The following OR6C3 variants were observed in gnomAD, a reference collection of about 807,000 sequenced individuals.
OR6C3 encodes olfactory receptor family 6 subfamily C member 3.
For synonymous variants in OR6C3, 177 were observed against 137.4 expected (o/e 1.29, Z -2.02); for missense variants, 487 against 364.6 (o/e 1.34, Z -2.73).
chr12:55,330,233 T>A (rs1424221958), upstream of OR6C3: 1 of 152,210 alleles, frequency 6.6e-6, no homozygotes, highest in African/African-American at 2.4e-5. Context: ...TTTACCTATT[T>A]TCTCTTTAAA....
chr12:55,331,857 C>T lies in OR6C3; in HGVS notation c.157C>T (p.Gln53Ter). The change falls in exon 2 of 2, where the codon CAG becomes TAG. Residue 53 changes from glutamine to a stop codon, truncating the protein, a stop_gained. Coordinates refer to ENST00000641740, the MANE Select transcript of OR6C3 (RefSeq NM_001388498.1). LOFTEE classifies it low-confidence loss of function (END_TRUNC). ...ITLTFVDSHL[Q>*]TPMYFFLRNF... The stretch of plus-strand genomic sequence containing the variant: ...CCTAACCTTTGTGGACTCCCATCTG[C>T]AGACACCTATGTATTTCTTCCTCCG... 1 of 1,614,096 alleles carries T rather than the reference C, an allele frequency of 6.2e-7. No individual in the cohort carries two copies. Among genetic ancestry groups the T allele is most frequent in the Non-Finnish European group, 8.5e-7 (1 of 1,179,984 alleles).
intron 1 of OR6C3, among the ~76,000 whole-genome samples, chr12:55,331,358 AG>A (rs1868835041): frequency 6.6e-6 from 1 of 152,130 alleles, no homozygotes; most frequent in African/African-American, 2.4e-5. Context: ...TCAACAAAAA[AG>A]ATAATGATAT....
Position 55,332,590 on chromosome 12 carries a change from C to A in OR6C3, c.890C>A (p.Ala297Asp), listed in dbSNP as rs760904836. The A allele has an allele frequency of 1.6e-5, 26 of 1,606,928 alleles. No homozygotes were observed. The highest frequency in any genetic ancestry group is 2.2e-5 in the Non-Finnish European group (26 of 1,178,654). Residue 297 changes from alanine (A) to aspartate (D), a missense_variant, in exon 2 of 2, where the codon GCC becomes GAC. Physicochemically the swap from Ala to Asp is moderately radical, Grantham distance 126 (BLOSUM62 -2). Coordinates refer to ENST00000641740, the MANE Select transcript of OR6C3 (RefSeq NM_001388498.1). Reference protein sequence around the residue: ...YTLRNQQVKQAFKNVVHKVVF... With the variant: ...YTLRNQQVKQDFKNVVHKVVF... ...CTGAGAAACCAGCAAGTAAAACAAGCCTTCAAAAATGTGGTCCACAAAGTT... is the reference window on the plus strand; with the variant it reads ...CTGAGAAACCAGCAAGTAAAACAAGACTTCAAAAATGTGGTCCACAAAGTT...
chr12:55,331,982 T>G lies in OR6C3; in HGVS notation c.282T>G (p.Cys94Trp). Residue 94 changes from cysteine to tryptophan, a missense_variant, in exon 2 of 2, where the codon TGT becomes TGG. Transcript: ENST00000641740. ...TRNKTISYNN[C>W]AAQLFFFIFM... Reference sequence around the variant, plus strand: ...ATAAGACTATTTCCTATAACAACTGTGCAGCCCAACTCTTTTTCTTTATCT... The same window carrying G: ...ATAAGACTATTTCCTATAACAACTGGGCAGCCCAACTCTTTTTCTTTATCT... 1 of 1,614,208 alleles carries G rather than the reference T, an allele frequency of 6.2e-7. No homozygotes were observed. The highest frequency in any genetic ancestry group is 8.5e-7 in the Non-Finnish European group (1 of 1,180,044).
chr12:55,332,594 C>A lies in OR6C3; in HGVS notation c.894C>A (p.Phe298Leu). The change falls in exon 2 of 2, where the codon TTC (phenylalanine) becomes TTA (leucine). Residue 298 changes from phenylalanine (F) to leucine (L), a missense_variant. Coordinates refer to ENST00000641740, the MANE Select transcript of OR6C3 (RefSeq NM_001388498.1). ...TLRNQQVKQA[F>L]KNVVHKVVFY... ...GAAACCAGCAAGTAAAACAAGCCTTCAAAAATGTGGTCCACAAAGTTGTGT... is the reference window on the plus strand; with the variant it reads ...GAAACCAGCAAGTAAAACAAGCCTTAAAAAATGTGGTCCACAAAGTTGTGT... 6.2e-7 allele frequency: 1 copy of A among 1,605,402 alleles called. No individual in the cohort carries two copies. The highest frequency in any genetic ancestry group is 8.5e-7 in the Non-Finnish European group (1 of 1,178,292).
rs1016338199 is a variant in OR6C3 at position 55,331,915 on chromosome 12, C to T, written c.215C>T (p.Thr72Ile). ...NFSFLEISFT[T>I]VCIPRFLGAI... is the part of the protein sequence containing the mutation. ...TCTTTCTTAGAAATCTCATTTACAA[C>T]CGTATGCATCCCCAGATTTCTGGGG... Residue 72 changes from threonine to isoleucine, a missense_variant, in exon 2 of 2, where the codon ACC (threonine) becomes ATC (isoleucine). Thr to Ile is a moderately conservative substitution (Grantham distance 89). Coordinates refer to ENST00000641740, the MANE Select transcript of OR6C3 (RefSeq NM_001388498.1). 1 of 1,614,030 alleles carries T rather than the reference C, an allele frequency of 6.2e-7. No homozygotes were observed. The highest frequency in any genetic ancestry group is 8.5e-7 in the Non-Finnish European group (1 of 1,179,900).
chr12:55,332,075 GC>G lies in OR6C3; in HGVS notation c.379del (p.Leu127PhefsTer7). On this transcript the variant is annotated frameshift_variant, in exon 2 of 2. Coordinates refer to ENST00000641740, the MANE Select transcript of OR6C3 (RefSeq NM_001388498.1). LOFTEE classifies it low-confidence loss of function (END_TRUNC). ...SYDRYVAICK[P>X]LHYTSIMNRK... ...ATGACCGCTATGTTGCCATCTGCAAGCCCCTTCATTACACATCCATCATGAA... is the reference window on the plus strand; with the variant it reads ...ATGACCGCTATGTTGCCATCTGCAAGCCCTTCATTACACATCCATCATGAA... 1 of 1,614,052 alleles carries G rather than the reference GC, an allele frequency of 6.2e-7. No individual in the cohort carries two copies. The highest frequency in any genetic ancestry group is 8.5e-7 in the Non-Finnish European group (1 of 1,180,004).
intron 1 of OR6C3, 72 bp downstream of exon 1, chr12:55,330,879 A>G (rs569559856): frequency 6.6e-5 from 10 of 152,244 alleles, no homozygotes; most frequent in African/African-American, 2.4e-4. Context: ...TGTTCCCTTA[A>G]GCTCAAAATT....
chr12:55,331,658 AC>A lies in OR6C3; in HGVS notation c.-42del. Reference sequence around the variant, plus strand: ...ATTCTACCAAAATATCTTTAAAAGAACAAAAAGGAGAGTGGAAGAAGGAGAG... The same window carrying A: ...ATTCTACCAAAATATCTTTAAAAGAAAAAAAGGAGAGTGGAAGAAGGAGAG... On this transcript the variant is annotated splice_region_variant and 5_prime_UTR_variant, in exon 2 of 2. Transcript: ENST00000641740. The A allele has an allele frequency of 7.8e-7, 1 of 1,286,962 alleles. No individual in the cohort carries two copies. Among genetic ancestry groups the A allele is most frequent in the South Asian group, 1.4e-5 (1 of 70,746 alleles). 79.7% of individuals were successfully genotyped at this position (1,286,962 alleles called of 1,614,324 possible). A position where few individuals can be genotyped will look rare whatever the true frequency, so the allele number is the denominator to read the frequency against.
chr12:55,332,592 T>C lies in OR6C3; in HGVS notation c.892T>C (p.Phe298Leu). The C allele has an allele frequency of 6.2e-7, 1 of 1,606,246 alleles. No individual in the cohort carries two copies. Among genetic ancestry groups the C allele is most frequent in the Non-Finnish European group, 8.5e-7 (1 of 1,178,500 alleles). The change falls in exon 2 of 2, where the codon TTC (phenylalanine) becomes CTC (leucine). Residue 298 changes from phenylalanine to leucine, a missense_variant. Phe to Leu is a conservative substitution (Grantham distance 22). Coordinates refer to ENST00000641740, the MANE Select transcript of OR6C3 (RefSeq NM_001388498.1). ...GAGAAACCAGCAAGTAAAACAAGCCTTCAAAAATGTGGTCCACAAAGTTGT... is the reference window on the plus strand; with the variant it reads ...GAGAAACCAGCAAGTAAAACAAGCCCTCAAAAATGTGGTCCACAAAGTTGT... ...TLRNQQVKQA[F>L]KNVVHKVVFY...
chr12:55,330,842 C>A (rs1419451094), intron 1 of OR6C3, 35 bp downstream of exon 1: 3 of 151,860 alleles, frequency 2.0e-5, no homozygotes, highest in African/African-American at 4.8e-5. Flanking sequence ...TGCTTCAGAG[C>A]AAAATGAAAA....
Position 55,331,991 on chromosome 12 carries a change from A to T in OR6C3, c.291A>T (p.Gln97His). The change falls in exon 2 of 2, where the codon CAA becomes CAT. Residue 97 changes from glutamine to histidine, a missense_variant. Coordinates refer to ENST00000641740, the MANE Select transcript of OR6C3 (RefSeq NM_001388498.1). ...KTISYNNCAA[Q>H]LFFFIFMGVT... ...TTTCCTATAACAACTGTGCAGCCCA[A>T]CTCTTTTTCTTTATCTTCATGGGGG... 1.2e-6 allele frequency: 2 copies of T among 1,613,776 alleles called. No homozygotes were observed. The highest frequency in any genetic ancestry group is 1.7e-6 in the Non-Finnish European group (2 of 1,179,934).
rs146975546 is a variant in OR6C3, at chr12:55,332,387, T to C, written c.687T>C (p.Ser229=). 3 of 1,614,064 alleles carry C rather than the reference T, an allele frequency of 1.9e-6. No homozygotes were observed. The East Asian group carries it at 6.7e-5, about 36-fold the overall frequency. ...IRTILRIPSA[S]QRKKAFSTCS... ...CCATTTTGAGAATCCCGTCTGCCAG[T>C]CAAAGAAAAAAGGCTTTCTCCACTT... Residue 229 remains serine (S), a synonymous_variant, in exon 2 of 2, where the codon AGT becomes AGC. Transcript: ENST00000641740.
chr12:55,330,153 G>A (rs2120470746), upstream of OR6C3: 1 of 152,242 alleles, frequency 6.6e-6, no homozygotes, highest in South Asian at 2.1e-4. Context: ...TTGAAATATT[G>A]TAGATATAAG....
Position 55,331,919 on chromosome 12 carries a change from A to T in OR6C3, c.219A>T (p.Val73=), listed in dbSNP as rs1396574791. 6.2e-7 allele frequency: 1 copy of T among 1,613,958 alleles called. No homozygotes were observed. Among genetic ancestry groups the T allele is most frequent in the African/African-American group, 1.3e-5 (1 of 74,934 alleles). Residue 73 remains valine (V), a synonymous_variant, in exon 2 of 2, where the codon GTA becomes GTT. Transcript: ENST00000641740. ...TCTTAGAAATCTCATTTACAACCGT[A>T]TGCATCCCCAGATTTCTGGGGGCAA... is the stretch of plus-strand genomic sequence containing the variant. ...FSFLEISFTT[V]CIPRFLGAII...
rs140744659 is a variant in OR6C3, at chr12:55,332,344, A to T, written c.644A>T (p.Tyr215Phe). 24 of 1,614,020 alleles carry T rather than the reference A, an allele frequency of 1.5e-5. No homozygotes were observed. Among genetic ancestry groups the T allele is most frequent in the Non-Finnish European group, 2.0e-5 (24 of 1,180,034 alleles). Residue 215 changes from tyrosine to phenylalanine, a missense_variant, in exon 2 of 2, where the codon TAC (tyrosine) becomes TTC (phenylalanine). Tyr to Phe is a conservative substitution (Grantham distance 22). Transcript: ENST00000641740. ...LFTLALVILS[Y>F]MYIIRTILRI... ...ACTTTGGCATTAGTGATTTTATCTT[A>T]CATGTACATTATCAGGACCATTTTG...
chr12:55,332,511 A>G lies in OR6C3; in HGVS notation c.811A>G (p.Ile271Val), dbSNP rs866055426. The G allele has an allele frequency of 6.2e-7, 1 of 1,613,864 alleles. No homozygotes were observed. Among genetic ancestry groups the G allele is most frequent in the African/African-American group, 1.3e-5 (1 of 75,052 alleles). The change falls in exon 2 of 2, where the codon ATA becomes GTA. Residue 271 changes from isoleucine to valine, a missense_variant. Transcript: ENST00000641740. ...AGAAAAGGCATCATTGACAAAAGGAATAGCTATTCTCAATACATCTGTTGC... is the reference window on the plus strand; with the variant it reads ...AGAAAAGGCATCATTGACAAAAGGAGTAGCTATTCTCAATACATCTGTTGC... ...AKEKASLTKG[I>V]AILNTSVAPM...
upstream of OR6C3, chr12:55,330,266 A>G (rs1868801091): frequency 6.6e-6 from 1 of 152,176 alleles, no homozygotes; most frequent in African/African-American, 2.4e-5. Flanking sequence ...TTCTAGCTCA[A>G]CATTATTGAA....
Position 55,332,324 on chromosome 12 carries a change from G to C in OR6C3, c.624G>C (p.Leu208Phe). The stretch of plus-strand genomic sequence containing the variant: ...CTTTGGTTACTTTGCTGTTCACTTT[G>C]GCATTAGTGATTTTATCTTACATGT... Reference protein sequence around the residue: ...YFALVTLLFTLALVILSYMYI... With the variant: ...YFALVTLLFTFALVILSYMYI... Residue 208 changes from leucine to phenylalanine, a missense_variant, in exon 2 of 2, where the codon TTG (leucine) becomes TTC (phenylalanine). Physicochemically the swap from Leu to Phe is conservative, Grantham distance 22. Transcript: ENST00000641740. 6.2e-7 allele frequency: 1 copy of C among 1,613,960 alleles called. No homozygotes were observed. Among genetic ancestry groups the C allele is most frequent in the East Asian group, 2.2e-5 (1 of 44,878 alleles).
Sources: allele counts gnomAD v4.1 joint callset (sites outside exome capture counted in the v4.1 genomes callset), GRCh38; gene constraint gnomAD v4.1.1; transcripts MANE v1.5; gene names NCBI Gene and HGNC (gene_info 2026-07-23, HGNC 2026-07-21).